MCPH1: variants seen among roughly 807,000 people sequenced by gnomAD.
MCPH1 encodes microcephalin.
In MCPH1, 104 loss-of-function variants were observed where a neutral mutation model predicts 84.5. The observed-to-expected ratio is 1.23, with a 90% CI of 1.05 to 1.45. The LOEUF (loss-of-function observed/expected upper bound fraction) is 1.45. MCPH1 is among the 40% of genes most tolerant of loss of function. The pLI is 0.00. For missense variants in MCPH1, 1,498 were observed against 1,005.7 expected (o/e 1.49, Z -6.62); for synonymous variants, 514 against 366.8 (o/e 1.40, Z -4.58).
chr8:6,503,322 AC>A lies in MCPH1; in HGVS notation c.2214+3394del, dbSNP rs542346195. ...GGTGATGCCAGCTCCCACCACGAAG[AC>A]AGCAATACTCAGCTAAGGCAGGAGG... On this transcript the variant is annotated intron_variant, in intron 12 of 13. Coordinates refer to ENST00000344683, the MANE Select transcript of MCPH1 (RefSeq NM_024596.5). 4.7e-5 allele frequency: 74 copies of A among 1,582,614 alleles called. No individual in the cohort carries two copies. The African/African-American group carries it at 9.4e-4, about 20-fold the overall frequency.
intron 12 of MCPH1, among the ~76,000 whole-genome samples, chr8:6,523,819 C>A (rs1469806934): frequency 6.6e-6 from 1 of 151,266 alleles, no homozygotes; most frequent in Non-Finnish European, 1.5e-5. Flanking sequence ...GAACTCCTGA[C>A]TTCCTGATTC....
intron 12 of MCPH1, among the ~76,000 whole-genome samples, chr8:6,513,487 C>T (rs1042366736): frequency 2.0e-5 from 3 of 152,114 alleles, no homozygotes; most frequent in Non-Finnish European, 4.4e-5. Context: ...CGCCCACCAC[C>T]ACACCTGGCT....
chr8:6,539,709 C>G (rs768050292), intron 12 of MCPH1, among the ~76,000 whole-genome samples: 12 of 152,208 alleles, frequency 7.9e-5, no homozygotes, highest in Non-Finnish European at 1.8e-4. Context: ...GCCTCAGCTT[C>G]CCAAGTAGCT....
chr8:6,539,644 C>T (rs540085809), intron 12 of MCPH1, among the ~76,000 whole-genome samples: 5 of 152,148 alleles, frequency 3.3e-5, no homozygotes, highest in Admixed American at 2.0e-4. Flanking sequence ...TGGAGTGCAG[C>T]GGCGTGATCT....
At chr8:6,568,655 G>C (rs1826415466) in intron 12 of MCPH1, among the ~76,000 whole-genome samples, 1 of 152,204 alleles carries the variant, frequency 6.6e-6, no homozygotes, top group South Asian at 2.1e-4. Context: ...CACATGGAAA[G>C]GGCTCAGACA....
chr8:6,549,159 C>T (rs116986477), intron 12 of MCPH1, among the ~76,000 whole-genome samples: 1 of 152,182 alleles, frequency 6.6e-6, no homozygotes, highest in African/African-American at 2.4e-5. Context: ...AAAAATGATA[C>T]ATGGGTTTGT....
At chr8:6,460,778 T>C (rs1806195598) in intron 9 of MCPH1, among the ~76,000 whole-genome samples, 1 of 152,252 alleles carries the variant, frequency 6.6e-6, no homozygotes, top group East Asian at 1.9e-4. Flanking sequence ...CCTGGGAGTG[T>C]GGGCTTCTGA....
chr8:6,446,265 A>C, intron 8 of MCPH1: 1 of 984,466 alleles, frequency 1.0e-6, no homozygotes, highest in Non-Finnish European at 1.2e-6. Context: ...AATAGGTTCC[A>C]GCAACCAAAA....
At chr8:6,493,372 A>G (rs1167911513) in intron 11 of MCPH1, among the ~76,000 whole-genome samples, 2 of 152,212 alleles carry the variant, frequency 1.3e-5, no homozygotes, top group African/African-American at 4.8e-5. Context: ...GCTTTTTCAT[A>G]AGAATATTCA....
At chr8:6,578,316 G>A (rs1029155408) in intron 12 of MCPH1, among the ~76,000 whole-genome samples, 1 of 152,134 alleles carries the variant, frequency 6.6e-6, no homozygotes, top group Non-Finnish European at 1.5e-5. Flanking sequence ...CATTTTCGTT[G>A]GCAAAAGAAA....
chr8:6,624,197 C>A (rs535561329), intron 13 of MCPH1, among the ~76,000 whole-genome samples: 1 of 152,386 alleles, frequency 6.6e-6, no homozygotes, highest in East Asian at 1.9e-4. Flanking sequence ...CCCGCAAAGC[C>A]CTTCAGAGTT....
At chr8:6,596,636 A>T (rs1231745577) in intron 12 of MCPH1, among the ~76,000 whole-genome samples, 1 of 152,060 alleles carries the variant, frequency 6.6e-6, no homozygotes, top group Non-Finnish European at 1.5e-5. Context: ...TGCACAGAGG[A>T]ACCCCTGGGC....
At chr8:6,459,893 C>T (rs931666975) in intron 9 of MCPH1, among the ~76,000 whole-genome samples, 1 of 152,172 alleles carries the variant, frequency 6.6e-6, no homozygotes, top group Admixed American at 6.5e-5. Context: ...AGGCCTGGAG[C>T]CTGTGCGAAG....
chr8:6,581,280 G>T (rs183950144), intron 12 of MCPH1, among the ~76,000 whole-genome samples: 1 of 152,146 alleles, frequency 6.6e-6, no homozygotes, highest in African/African-American at 2.4e-5. Flanking sequence ...TACTGTTCAA[G>T]GTCATCACCA....
chr8:6,595,183 C>T (rs574397517), intron 12 of MCPH1, among the ~76,000 whole-genome samples: 1 of 152,324 alleles, frequency 6.6e-6, no homozygotes, highest in East Asian at 1.9e-4. Context: ...AGCTGCGAGG[C>T]ACTGCCTGCA....
chr8:6,623,646 T>C (rs915002194), intron 13 of MCPH1, among the ~76,000 whole-genome samples: 1 of 138,384 alleles, frequency 7.2e-6, no homozygotes, highest in Non-Finnish European at 1.5e-5. Flanking sequence ...AATTTTTTAC[T>C]CTGGTGCAGA....
At chr8:6,569,006 G>A (rs1261685954) in intron 12 of MCPH1, among the ~76,000 whole-genome samples, 1 of 152,194 alleles carries the variant, frequency 6.6e-6, no homozygotes, top group African/African-American at 2.4e-5. Flanking sequence ...GGACTCTTGG[G>A]CGCCTGGCAC....
intron 12 of MCPH1, among the ~76,000 whole-genome samples, chr8:6,591,103 G>T (rs936545105): frequency 2.0e-5 from 3 of 152,186 alleles, no homozygotes; most frequent in Non-Finnish European, 4.4e-5. Context: ...CTCCATGTTG[G>T]TCAGGCTGTT....
chr8:6,418,250 C>T (rs920708047), intron 3 of MCPH1, among the ~76,000 whole-genome samples: 8 of 152,114 alleles, frequency 5.3e-5, no homozygotes, highest in Non-Finnish European at 1.2e-4. Flanking sequence ...GCCACACCAG[C>T]TCCCTCAGAG....
Sources: allele counts gnomAD v4.1 joint callset (sites outside exome capture counted in the v4.1 genomes callset), GRCh38; gene constraint gnomAD v4.1.1; transcripts MANE v1.5; gene names NCBI Gene and HGNC (gene_info 2026-07-23, HGNC 2026-07-21).